TNFRSF21: variants seen among roughly 807,000 people sequenced by gnomAD.
The protein encoded by TNFRSF21 is TNF receptor superfamily member 21, also known as tumor necrosis factor receptor superfamily member 21.
A neutral mutation model predicts 45.6 loss-of-function variants in TNFRSF21; 19 were observed. That is an observed-to-expected ratio of 0.42 (90% CI 0.29 to 0.61). The LOEUF is 0.61. Ranked by LOEUF, TNFRSF21 falls within the 20% of genes least tolerant of loss-of-function variation. The pLI, the probability that TNFRSF21 is intolerant of heterozygous loss-of-function variation, is 0.23. For synonymous variants in TNFRSF21, 314 were observed against 335.5 expected (o/e 0.94, Z 0.70); for missense variants, 737 against 851.5 (o/e 0.87, Z 1.67).
chr6:47,253,226 G>T (rs1422809075), intron 4 of TNFRSF21, 30 bp downstream of exon 4: 52 of 1,605,076 alleles, frequency 3.2e-5, no homozygotes, highest in Non-Finnish European at 4.4e-5. Context: ...ATAGGTCGGT[G>T]GTAATGACAC....
At chr6:47,298,447 C>A (rs1239112062) in intron 1 of TNFRSF21, among the ~76,000 whole-genome samples, 1 of 151,684 alleles carries the variant, frequency 6.6e-6, no homozygotes, top group Non-Finnish European at 1.5e-5. Context: ...AGACCCTGTC[C>A]CAAATTAAAA....
intron 5 of TNFRSF21, 21 bp downstream of exon 5, chr6:47,234,649 G>T: frequency 6.3e-7 from 1 of 1,579,980 alleles, no homozygotes; most frequent in Non-Finnish European, 8.6e-7. Context: ...GCGTGTGTGA[G>T]GTCTGCTGCG....
intron 5 of TNFRSF21, among the ~76,000 whole-genome samples, chr6:47,233,453 C>G (rs935048949): frequency 6.6e-6 from 1 of 152,048 alleles, no homozygotes; most frequent in Non-Finnish European, 1.5e-5. Flanking sequence ...TCCAAATGAT[C>G]AAAAATTCCA....
intron 1 of TNFRSF21, among the ~76,000 whole-genome samples, chr6:47,294,561 T>C (rs1762770443): frequency 6.6e-6 from 1 of 152,214 alleles, no homozygotes; most frequent in African/African-American, 2.4e-5. Context: ...ATACTTCATT[T>C]CATCTCCAAA....
intron 1 of TNFRSF21, among the ~76,000 whole-genome samples, chr6:47,306,157 C>T (rs1381856105): frequency 6.6e-6 from 1 of 152,202 alleles, no homozygotes; most frequent in African/African-American, 2.4e-5. Flanking sequence ...CTTTTGAACC[C>T]AGCTCTTGTC....
Position 47,287,324 on chromosome 6 carries a change from A to G in TNFRSF21, c.97-729T>C, listed in dbSNP as rs200283938. Among the ~76,000 whole-genome samples the G allele has an allele frequency of 2.9e-3, 339 of 117,848 alleles. 4 individuals are homozygous for G. Among genetic ancestry groups the G allele is most frequent in the Admixed American group, 0.028 (242 of 8,602 alleles). 77.3% of individuals were successfully genotyped at this position (117,848 alleles called of 152,430 possible). A position where few individuals can be genotyped will look rare whatever the true frequency, so the allele number is the denominator to read the frequency against. Reference sequence around the variant, plus strand: ...CTCTTTCTCAAAAAAAAAAAAAAAAAAAAAAAAAAAGAAAAGAAAAATTGT... The same window carrying G: ...CTCTTTCTCAAAAAAAAAAAAAAAAGAAAAAAAAAAGAAAAGAAAAATTGT... On this transcript the variant is annotated intron_variant, in intron 1 of 5. Coordinates refer to ENST00000296861, the MANE Select transcript of TNFRSF21 (RefSeq NM_014452.5).
intron 3 of TNFRSF21, among the ~76,000 whole-genome samples, chr6:47,282,391 A>C (rs1023793607): frequency 7.5e-6 from 1 of 133,026 alleles, no homozygotes; most frequent in Non-Finnish European, 1.5e-5. Context: ...TCTCAAAAAA[A>C]AAATAAAAAA....
chr6:47,236,387 C>A (rs530668616), intron 4 of TNFRSF21, among the ~76,000 whole-genome samples: 1 of 152,332 alleles, frequency 6.6e-6, no homozygotes, highest in South Asian at 2.1e-4. Flanking sequence ...TTCACTCACA[C>A]ACTTCAAGTA....
intron 3 of TNFRSF21, among the ~76,000 whole-genome samples, chr6:47,257,325 G>A (rs1257516386): frequency 6.6e-6 from 1 of 152,120 alleles, no homozygotes; most frequent in Non-Finnish European, 1.5e-5. Flanking sequence ...GTTTCATCTT[G>A]TTCTCTCTCT....
intron 3 of TNFRSF21, among the ~76,000 whole-genome samples, chr6:47,259,012 C>A (rs1765030876): frequency 6.6e-6 from 1 of 152,142 alleles, no homozygotes. Flanking sequence ...GCAATTACAG[C>A]AATTTAAAGA....
intron 1 of TNFRSF21, among the ~76,000 whole-genome samples, chr6:47,294,661 T>C (rs1348817657): frequency 1.3e-5 from 2 of 151,416 alleles, no homozygotes; most frequent in Non-Finnish European, 2.9e-5. Flanking sequence ...CAAGCAAATG[T>C]ATCAAAGAGT....
intron 3 of TNFRSF21, among the ~76,000 whole-genome samples, chr6:47,255,808 A>G (rs555114556): frequency 6.6e-6 from 1 of 152,240 alleles, no homozygotes; most frequent in South Asian, 2.1e-4. Context: ...CCCTGATAAC[A>G]TAGCTGTTAT....
rs1221918117 is a variant in TNFRSF21, at chr6:47,309,404, G to C, written c.96+12C>G. The C allele has an allele frequency of 1.3e-6, 2 of 1,533,450 alleles. No individual in the cohort carries two copies. Among genetic ancestry groups the C allele is most frequent in the Non-Finnish European group, 1.7e-6 (2 of 1,146,774 alleles). 95.0% of individuals were successfully genotyped at this position (1,533,450 alleles called of 1,614,324 possible). A position where few individuals can be genotyped will look rare whatever the true frequency, so the allele number is the denominator to read the frequency against. On this transcript the variant is annotated intron_variant, in intron 1 of 5. Coordinates refer to ENST00000296861, the MANE Select transcript of TNFRSF21 (RefSeq NM_014452.5). ...GGCGCCGCCGCCACCCCCGGTCCAC[G>C]CAAGCGCTCACCAGGAGAAGGGAGC...
intron 3 of TNFRSF21, among the ~76,000 whole-genome samples, chr6:47,271,177 C>A (rs142549095): frequency 0.021 from 3,258 of 152,178 alleles, 137 homozygotes; most frequent in African/African-American, 0.075. Context: ...CACAAAGATA[C>A]TCCTCGAGAA....
At chr6:47,250,347 T>C (rs967498664) in intron 4 of TNFRSF21, among the ~76,000 whole-genome samples, 1 of 152,206 alleles carries the variant, frequency 6.6e-6, no homozygotes, top group Non-Finnish European at 1.5e-5. Context: ...AAGGGAAGAA[T>C]AGCTATGATT....
intron 2 of TNFRSF21, 62 bp from the exon 3 acceptor site, chr6:47,284,494 T>C: frequency 6.8e-7 from 1 of 1,463,250 alleles, no homozygotes; most frequent in Non-Finnish European, 9.0e-7. Flanking sequence ...ATACATTCCC[T>C]CCTTTCCCTG....
At chr6:47,288,609 T>G (rs1762680175) in intron 1 of TNFRSF21, among the ~76,000 whole-genome samples, 1 of 151,362 alleles carries the variant, frequency 6.6e-6, no homozygotes, top group East Asian at 1.9e-4. Flanking sequence ...ACTTGCTGAA[T>G]AGTTCTCTTC....
At chr6:47,256,806 C>T (rs1357838930) in intron 3 of TNFRSF21, among the ~76,000 whole-genome samples, 2 of 152,092 alleles carry the variant, frequency 1.3e-5, no homozygotes, top group Admixed American at 1.3e-4. Context: ...CTTGTTAGTC[C>T]CTGAATCTTA....
At chr6:47,277,615 T>C (rs1362149191) in intron 3 of TNFRSF21, among the ~76,000 whole-genome samples, 4 of 152,192 alleles carry the variant, frequency 2.6e-5, no homozygotes, top group Non-Finnish European at 5.9e-5. Context: ...AGTGGTTAAG[T>C]AACTTGCCCT....
Sources: gnomAD v4.1 joint callset for allele counts (sites outside exome capture counted in the v4.1 genomes callset) on GRCh38, gnomAD v4.1.1 for gene constraint, MANE v1.5 for transcripts, NCBI Gene and HGNC (gene_info 2026-07-23, HGNC 2026-07-21) for gene names.